The following MTNAP1 variants were observed in gnomAD, a reference collection of about 807,000 sequenced individuals.
MTNAP1 encodes mitochondrial nucleoid-associated protein 1.
At chr17:73,247,463 A>G in the MTNAP1 span, 2 of 932,730 alleles carry the variant, frequency 2.1e-6, no homozygotes, top group East Asian at 2.4e-5. Context: ...ATAGCTTTTC[A>G]GCCCTCAAGG....
the MTNAP1 span, among the ~76,000 whole-genome samples, chr17:73,238,109 A>G: frequency 6.6e-6 from 1 of 151,612 alleles, no homozygotes; most frequent in South Asian, 2.1e-4. Context: ...ATCGGTTAAC[A>G]GGAGGGAAGA....
the MTNAP1 span, chr17:73,247,499 T>C: frequency 1.5e-6 from 1 of 651,914 alleles, no homozygotes. Flanking sequence ...GTATCACTGC[T>C]ATAAATAAAG....
At chr17:73,241,211 G>A in the MTNAP1 span, among the ~76,000 whole-genome samples, 4 of 152,118 alleles carry the variant, frequency 2.6e-5, no homozygotes, top group South Asian at 6.2e-4. Flanking sequence ...AGGCTGGAGT[G>A]CAGTGTAGCG....
the MTNAP1 span, among the ~76,000 whole-genome samples, chr17:73,235,073 T>C: frequency 1.3e-5 from 2 of 151,890 alleles, no homozygotes; most frequent in Admixed American, 6.6e-5. Flanking sequence ...ATACAAAAAA[T>C]TAGTCAGGCG....
At chr17:73,238,699 C>A in the MTNAP1 span, among the ~76,000 whole-genome samples, 2 of 152,152 alleles carry the variant, frequency 1.3e-5, no homozygotes, top group South Asian at 4.2e-4. Context: ...ATTTTGGGCA[C>A]AAGGTGGACA....
the MTNAP1 span, among the ~76,000 whole-genome samples, chr17:73,239,148 C>T: frequency 6.6e-6 from 1 of 152,072 alleles, no homozygotes; most frequent in Non-Finnish European, 1.5e-5. Flanking sequence ...GTTGGTCAGG[C>T]TGGTCTTGAA....
chr17:73,236,408 G>A, the MTNAP1 span: 245 of 1,614,122 alleles, frequency 1.5e-4, 1 homozygote, highest in African/African-American at 2.9e-3. Flanking sequence ...ACGTGTGGGA[G>A]CAAAGGAAAT....
At chr17:73,244,329 G>A in the MTNAP1 span, among the ~76,000 whole-genome samples, 1 of 152,064 alleles carries the variant, frequency 6.6e-6, no homozygotes, top group Non-Finnish European at 1.5e-5. Flanking sequence ...TTGGGAGGCC[G>A]AGGCTGGCAG....
the MTNAP1 span, chr17:73,247,743 T>G: frequency 1.2e-5 from 2 of 167,744 alleles, no homozygotes; most frequent in Admixed American, 1.1e-4. Context: ...CCAAGAATTC[T>G]AACTCACATA....
the MTNAP1 span, among the ~76,000 whole-genome samples, chr17:73,235,034 G>A: frequency 2.0e-5 from 3 of 151,808 alleles, no homozygotes; most frequent in Admixed American, 6.6e-5. Flanking sequence ...TGGGTAACAC[G>A]GACACGGTGA....
chr17:73,245,049 T>G, the MTNAP1 span: 1 of 913,546 alleles, frequency 1.1e-6, no homozygotes, highest in East Asian at 2.7e-5. Flanking sequence ...CTCATTGTGC[T>G]TAATACTCTA....
At chr17:73,237,597 A>G in the MTNAP1 span, among the ~76,000 whole-genome samples, 79,223 of 151,988 alleles carry the variant, frequency 0.52, 20,755 homozygotes, top group East Asian at 0.62. Context: ...AGGCATGTCC[A>G]GTAGAAACTG....
chr17:73,246,710 C>G, the MTNAP1 span, among the ~76,000 whole-genome samples: 1 of 152,190 alleles, frequency 6.6e-6, no homozygotes, highest in Non-Finnish European at 1.5e-5. Flanking sequence ...GCAACAAATT[C>G]TCATAGTTAA....
chr17:73,240,806 A>T, the MTNAP1 span, among the ~76,000 whole-genome samples: 2 of 152,176 alleles, frequency 1.3e-5, no homozygotes, highest in African/African-American at 4.8e-5. Flanking sequence ...ACTGCTGACA[A>T]CATGGTTGCA....
At chr17:73,238,426 C>G in the MTNAP1 span, among the ~76,000 whole-genome samples, 1 of 152,152 alleles carries the variant, frequency 6.6e-6, no homozygotes, top group African/African-American at 2.4e-5. Flanking sequence ...ATTTTCTTCT[C>G]TGGTAGATTT....
the MTNAP1 span, chr17:73,248,483 A>G: frequency 1.4e-5 from 21 of 1,551,230 alleles, no homozygotes; most frequent in South Asian, 2.4e-4. Context: ...CCGCTAGGTA[A>G]GAAGCAACGC....
At chr17:73,232,632 T>G in the MTNAP1 span, 1 of 254,382 alleles carries the variant, frequency 3.9e-6, no homozygotes, top group Non-Finnish European at 7.4e-6. Context: ...CTGACGAGGT[T>G]CCTTGGCCGG....
chr17:73,240,301 T>C, the MTNAP1 span, among the ~76,000 whole-genome samples: 1 of 152,134 alleles, frequency 6.6e-6, no homozygotes, highest in African/African-American at 2.4e-5. Context: ...GTAAATAAGG[T>C]GTAATCATCA....
the MTNAP1 span, among the ~76,000 whole-genome samples, chr17:73,238,966 A>G: frequency 6.6e-6 from 1 of 150,776 alleles, no homozygotes; most frequent in South Asian, 2.1e-4. Context: ...GTTTTTTGAG[A>G]CAGAGTTTTG....
Sources: gnomAD v4.1 joint callset for allele counts (sites outside exome capture counted in the v4.1 genomes callset) on GRCh38, gnomAD v4.1.1 for gene constraint, MANE v1.5 for transcripts, NCBI Gene and HGNC (gene_info 2026-07-23, HGNC 2026-07-21) for gene names.